The following IGF2BP2 variants were observed in gnomAD, a reference collection of about 807,000 sequenced individuals.
IGF2BP2 encodes the protein insulin like growth factor 2 mRNA binding protein 2, also known as insulin-like growth factor 2 mRNA-binding protein 2.
A neutral mutation model predicts 75.8 loss-of-function variants in IGF2BP2; 17 were observed. The observed-to-expected ratio is 0.22, with a 90% CI of 0.15 to 0.34. The LOEUF is 0.34. Among genes scored for constraint, IGF2BP2 ranks in the 10% least tolerant of loss-of-function variants. The pLI, the probability that IGF2BP2 is intolerant of heterozygous loss-of-function variation, is 1.00. For synonymous variants in IGF2BP2, 288 were observed against 295.6 expected, an observed-to-expected ratio of 0.97 and a Z score of 0.26; for missense variants, 516 against 772.4, an observed-to-expected ratio of 0.67 and a Z score of 3.93.
intron 6 of IGF2BP2, 82 bp from the exon 7 acceptor site, chr3:185,687,273 T>C (rs574977052): frequency 6.9e-5 from 97 of 1,409,882 alleles, no homozygotes; most frequent in Non-Finnish European, 8.2e-5. Context: ...CACCAACCCA[T>C]GTACAGCAAG....
At chr3:185,742,752 T>C in intron 2 of IGF2BP2, among the ~76,000 whole-genome samples, 1 of 152,210 alleles carries the variant, frequency 6.6e-6, no homozygotes, top group African/African-American at 2.4e-5. Flanking sequence ...AAGTACAAAA[T>C]ATGAACTGCA....
intron 2 of IGF2BP2, among the ~76,000 whole-genome samples, chr3:185,749,825 G>A (rs1418821918): frequency 3.3e-5 from 5 of 152,174 alleles, no homozygotes; most frequent in Non-Finnish European, 7.3e-5. Context: ...ACCAAGCCAA[G>A]AGCATGAATT....
intron 1 of IGF2BP2, among the ~76,000 whole-genome samples, chr3:185,823,541 GC>G (rs1159493213): frequency 1.3e-5 from 2 of 152,136 alleles, no homozygotes; most frequent in South Asian, 2.1e-4. Context: ...GGCTGGCGCG[GC>G]CCCGCTGCTC....
intron 2 of IGF2BP2, among the ~76,000 whole-genome samples, chr3:185,724,071 C>T (rs974824244): frequency 5.9e-5 from 9 of 152,152 alleles, no homozygotes; most frequent in African/African-American, 2.2e-4. Flanking sequence ...CAAACACATG[C>T]TTGGGCCAAA....
At position 185,643,996 on chromosome 3, in the gene IGF2BP2, T is replaced by G. The variant is rs906962051; in HGVS notation, c.*1535A>C. The G allele has an allele frequency of 3.3e-5, 5 of 152,322 alleles. No individual in the cohort carries two copies. Among genetic ancestry groups the G allele is most frequent in the African/African-American group, 1.2e-4 (5 of 41,402 alleles). The allele number at this position is 152,322 out of a possible 1,614,324, so 9.4% of individuals were successfully genotyped here. ...CATCTTTTTTTTTTTTAAATAAACA[T>G]TTTCAAGGTTTGTCCAAAAGAAGGC... is the stretch of plus-strand genomic sequence containing the variant. On this transcript the variant is annotated 3_prime_UTR_variant, in exon 16 of 16. Transcript: ENST00000382199.
intron 2 of IGF2BP2, among the ~76,000 whole-genome samples, chr3:185,741,485 A>T (rs1440767638): frequency 6.6e-6 from 1 of 152,230 alleles, no homozygotes; most frequent in African/African-American, 2.4e-5. Flanking sequence ...GACACAAGAT[A>T]AAAGAATGAA....
intron 2 of IGF2BP2, among the ~76,000 whole-genome samples, chr3:185,772,577 CTTTTTTT>C (rs368068706): frequency 8.5e-6 from 1 of 118,204 alleles, no homozygotes; most frequent in South Asian, 2.9e-4. Flanking sequence ...CCTTCTCTCT[CTTTTTTT>C]TTTTTTTTTT....
intron 2 of IGF2BP2, among the ~76,000 whole-genome samples, chr3:185,718,578 AG>A (rs1046889395): frequency 1.4e-5 from 2 of 148,098 alleles, no homozygotes; most frequent in African/African-American, 5.0e-5. Flanking sequence ...TCAGCTACTC[AG>A]GAGGCTGAGG....
intron 2 of IGF2BP2, among the ~76,000 whole-genome samples, chr3:185,745,783 T>G (rs1011170630): frequency 6.8e-6 from 1 of 146,760 alleles, no homozygotes; most frequent in Non-Finnish European, 1.6e-5. Flanking sequence ...GCATAGCTGC[T>G]GCCCAACAGG....
chr3:185,802,573 G>A (rs992705181), intron 2 of IGF2BP2, among the ~76,000 whole-genome samples: 27 of 152,198 alleles, frequency 1.8e-4, no homozygotes, highest in Non-Finnish European at 4.0e-4. Flanking sequence ...TTCATTACTG[G>A]GTCTTGAGAA....
At chr3:185,800,921 G>A (rs927908288) in intron 2 of IGF2BP2, among the ~76,000 whole-genome samples, 4 of 151,964 alleles carry the variant, frequency 2.6e-5, no homozygotes, top group Admixed American at 6.6e-5. Context: ...GAGTGAACAG[G>A]CAATCTACAG....
chr3:185,720,959 G>C (rs1209812474), intron 2 of IGF2BP2, among the ~76,000 whole-genome samples: 1 of 152,172 alleles, frequency 6.6e-6, no homozygotes, highest in Non-Finnish European at 1.5e-5. Flanking sequence ...TGTGGTCAAA[G>C]GAAAGACAGA....
intron 10 of IGF2BP2, among the ~76,000 whole-genome samples, chr3:185,660,559 G>A (rs1716263694): frequency 6.6e-6 from 1 of 152,208 alleles, no homozygotes; most frequent in African/African-American, 2.4e-5. Context: ...CACGGCTGTA[G>A]TGAGAGCCTT....
chr3:185,797,739 C>CA (rs964066702), intron 2 of IGF2BP2, among the ~76,000 whole-genome samples: 13 of 148,118 alleles, frequency 8.8e-5, no homozygotes, highest in Middle Eastern at 7.1e-3. Context: ...TCTCTCTCTA[C>CA]AAAAAAAACA....
At chr3:185,809,518 G>A (rs1007195850) in intron 2 of IGF2BP2, among the ~76,000 whole-genome samples, 7 of 152,104 alleles carry the variant, frequency 4.6e-5, no homozygotes, top group African/African-American at 1.2e-4. Flanking sequence ...TAGTCCCAGC[G>A]ACTCAGGAGC....
At chr3:185,775,252 T>C (rs1212082165) in intron 2 of IGF2BP2, among the ~76,000 whole-genome samples, 1 of 152,194 alleles carries the variant, frequency 6.6e-6, no homozygotes, top group Non-Finnish European at 1.5e-5. Flanking sequence ...GTAATAACTG[T>C]TGATGTGTGA....
intron 7 of IGF2BP2, among the ~76,000 whole-genome samples, chr3:185,677,068 T>TATATATATATATATATAG: frequency 1.5e-3 from 54 of 35,854 alleles, no homozygotes; most frequent in Non-Finnish European, 1.8e-3. Context: ...TATATATATA[T>TATATATATATATATATAG]AGAGAGAGAG....
At chr3:185,664,818 G>A (rs1255892160) in intron 10 of IGF2BP2, among the ~76,000 whole-genome samples, 1 of 152,024 alleles carries the variant, frequency 6.6e-6, no homozygotes, top group African/African-American at 2.4e-5. Context: ...CTTCTGGAGT[G>A]GGAACTCCAG....
At chr3:185,708,678 C>T (rs1180617882) in intron 2 of IGF2BP2, among the ~76,000 whole-genome samples, 1 of 152,060 alleles carries the variant, frequency 6.6e-6, no homozygotes, top group Non-Finnish European at 1.5e-5. Flanking sequence ...CAGGGCAGTG[C>T]CCAGCCTCAT....
Sources: gnomAD v4.1 joint callset for allele counts (sites outside exome capture counted in the v4.1 genomes callset) on GRCh38, gnomAD v4.1.1 for gene constraint, MANE v1.5 for transcripts, NCBI Gene and HGNC (gene_info 2026-07-23, HGNC 2026-07-21) for gene names.